Variants in RBM47 observed in about 807,000 individuals in gnomAD.
RBM47 encodes the protein RNA-binding protein 47.
In RBM47, 21 loss-of-function variants were observed where a neutral mutation model predicts 47.1. The ratio of observed to expected loss-of-function variants is 0.45; its 90% CI spans 0.32 to 0.64. The LOEUF (loss-of-function observed/expected upper bound fraction) is 0.64, where lower values mean the gene tolerates loss of function less well. RBM47 is among the 30% of genes least tolerant of loss of function. RBM47 has a pLI of 0.05. For synonymous variants in RBM47, 375 were observed against 361.7 expected (o/e 1.04, Z -0.42); for missense variants, 708 against 870.9 (o/e 0.81, Z 2.35).
intron 2 of RBM47, among the ~76,000 whole-genome samples, chr4:40,521,224 A>G (rs749149042): frequency 9.9e-5 from 15 of 151,888 alleles, no homozygotes; most frequent in Non-Finnish European, 1.9e-4. Context: ...GTTGTTTGAG[A>G]CAGAGTCTGC....
intron 3 of RBM47, among the ~76,000 whole-genome samples, chr4:40,465,875 T>C (rs1717937144): frequency 6.6e-6 from 1 of 152,076 alleles, no homozygotes; most frequent in Non-Finnish European, 1.5e-5. Flanking sequence ...GGTATGAGGA[T>C]TGATCAAAAA....
rs149861008 is a variant in RBM47, at chr4:40,495,084, G to C, written c.-154-28385C>G. ...AGCCTCCTGAGCAGCTGGGACTACA[G>C]GCACGCCCCACCATGCCCAGCCCTT... On this transcript the variant is annotated intron_variant, in intron 2 of 6. Coordinates refer to ENST00000295971, the MANE Select transcript of RBM47 (RefSeq NM_001098634.2). 2.7e-3 allele frequency among the ~76,000 whole-genome samples: 413 copies of C among 152,200 alleles called. 2 individuals carry two copies. Among genetic ancestry groups the C allele is most frequent in the African/African-American group, 9.5e-3 (396 of 41,550 alleles).
intron 2 of RBM47, among the ~76,000 whole-genome samples, chr4:40,500,606 A>G (rs1054165978): frequency 1.3e-5 from 2 of 151,898 alleles, no homozygotes; most frequent in African/African-American, 4.8e-5. Flanking sequence ...CCAAATATAT[A>G]TATATATAAA....
intron 2 of RBM47, among the ~76,000 whole-genome samples, chr4:40,469,581 G>A (rs2154235282): frequency 6.6e-6 from 1 of 151,774 alleles, no homozygotes; most frequent in African/African-American, 2.4e-5. Flanking sequence ...CTACAGGTGT[G>A]CGTCACCATG....
At chr4:40,602,188 GA>G (rs79758872) in intron 1 of RBM47, among the ~76,000 whole-genome samples, 1 of 142,742 alleles carries the variant, frequency 7.0e-6, no homozygotes, top group Non-Finnish European at 1.5e-5. Flanking sequence ...AAAAGAAAAA[GA>G]AAAAAAAAAG....
rs1176222941 is a variant in RBM47, at chr4:40,438,142, C to T, written c.752G>A (p.Arg251His). 1.9e-6 allele frequency: 3 copies of T among 1,612,638 alleles called. No homozygotes were observed. The highest frequency in any genetic ancestry group is 1.7e-5 in the Admixed American group (1 of 60,008). Residue 251 changes from arginine (R) to histidine (H), a missense_variant, in exon 4 of 7, where the codon CGC (arginine) becomes CAC (histidine). By Grantham distance (29) the Arg-to-His change is conservative (BLOSUM62 0). Transcript: ENST00000295971. ...VMETVKILYVRNLMIETTEDT... is the reference protein window; with the variant it reads ...VMETVKILYVHNLMIETTEDT... ...CTCGGTGGTCTCGATCATGAGGTTGCGCACGTAGAGGATCTTCACGGTCTC... is the reference window on the plus strand; with the variant it reads ...CTCGGTGGTCTCGATCATGAGGTTGTGCACGTAGAGGATCTTCACGGTCTC...
At chr4:40,542,718 T>C (rs1183818740) in intron 2 of RBM47, 1 of 152,128 alleles carries the variant, frequency 6.6e-6, no homozygotes, top group African/African-American at 2.4e-5. Flanking sequence ...TTTAAATTTT[T>C]GTAGAGACAG....
chr4:40,584,987 C>T (rs2154272491), intron 1 of RBM47, among the ~76,000 whole-genome samples: 1 of 152,322 alleles, frequency 6.6e-6, no homozygotes, highest in African/African-American at 2.4e-5. Flanking sequence ...ACCATATCTA[C>T]AGGTTCCACT....
intron 1 of RBM47, among the ~76,000 whole-genome samples, chr4:40,587,117 A>G (rs1733666972): frequency 6.6e-6 from 1 of 152,164 alleles, no homozygotes; most frequent in Admixed American, 6.6e-5. Flanking sequence ...CCTGGGGTGC[A>G]TGGAAAGGGC....
At chr4:40,610,564 C>T (rs1346571343) in intron 1 of RBM47, among the ~76,000 whole-genome samples, 4 of 145,938 alleles carry the variant, frequency 2.7e-5, no homozygotes, top group East Asian at 2.0e-4. Context: ...GAGCCGAGAT[C>T]GCGCCACTGC....
chr4:40,480,056 C>T (rs754365570), intron 2 of RBM47, among the ~76,000 whole-genome samples: 29 of 144,976 alleles, frequency 2.0e-4, no homozygotes, highest in Middle Eastern at 7.6e-3. Flanking sequence ...CAGCTCACTG[C>T]GACCTCCACC....
intron 1 of RBM47, among the ~76,000 whole-genome samples, chr4:40,547,034 T>C (rs892299734): frequency 7.2e-5 from 11 of 152,170 alleles, no homozygotes; most frequent in Non-Finnish European, 1.5e-4. Context: ...AGATCAGGTG[T>C]TTGAGCAGGT....
chr4:40,616,370 A>AAG (rs1287317655), intron 1 of RBM47, among the ~76,000 whole-genome samples: 2 of 116,662 alleles, frequency 1.7e-5, no homozygotes, highest in Non-Finnish European at 4.1e-5. Flanking sequence ...AAAAAAAAGA[A>AAG]AAAAAAAAAA....
Position 40,425,996 on chromosome 4 carries a change from C to G in RBM47, c.1690G>C (p.Ala564Pro). 2 of 1,613,954 alleles carry G rather than the reference C, an allele frequency of 1.2e-6. No homozygotes were observed. Among genetic ancestry groups the G allele is most frequent in the Non-Finnish European group, 1.7e-6 (2 of 1,179,832 alleles). Residue 564 changes from alanine (A) to proline (P), a missense_variant, in exon 7 of 7, where the codon GCC becomes CCC. By Grantham distance (27) the Ala-to-Pro change is conservative. Coordinates refer to ENST00000295971, the MANE Select transcript of RBM47 (RefSeq NM_001098634.2). ...TAGCCTGCGTATCCTCCATACATGG[C>G]GGCCGCGGCTGCCGCGTTCTTCTGT... ...TLQKNAAAAAAMYGGYAGYIP... is the reference protein window; with the variant it reads ...TLQKNAAAAAPMYGGYAGYIP...
chr4:40,583,414 AG>A (rs1304739932), intron 1 of RBM47, among the ~76,000 whole-genome samples: 2 of 145,468 alleles, frequency 1.4e-5, no homozygotes, highest in Admixed American at 1.4e-4. Flanking sequence ...AAAAAAAAAA[AG>A]GGAAACAGAA....
chr4:40,536,663 G>C (rs1644092674), intron 2 of RBM47, among the ~76,000 whole-genome samples: 1 of 151,858 alleles, frequency 6.6e-6, no homozygotes, highest in African/African-American at 2.4e-5. Flanking sequence ...TATTGGTTGA[G>C]TCATGGCTCA....
chr4:40,575,048 A>C (rs1453389283), intron 1 of RBM47, among the ~76,000 whole-genome samples: 1 of 152,176 alleles, frequency 6.6e-6, no homozygotes, highest in Non-Finnish European at 1.5e-5. Flanking sequence ...CAACGCATGA[A>C]GACATTTTTG....
chr4:40,481,778 C>G (rs1720464931), intron 2 of RBM47, among the ~76,000 whole-genome samples: 1 of 152,198 alleles, frequency 6.6e-6, no homozygotes, highest in African/African-American at 2.4e-5. Context: ...TCTTAAACTC[C>G]TGACCTCAAG....
chr4:40,588,992 C>CTT lies in RBM47; in HGVS notation c.-240+40402_-240+40403dup, dbSNP rs34195998. 5.0e-3 allele frequency among the ~76,000 whole-genome samples: 395 copies of CTT among 79,494 alleles called. 28 individuals carry two copies. Among genetic ancestry groups the CTT allele is most frequent in the Non-Finnish European group, 8.4e-3 (339 of 40,420 alleles). The allele number at this position is 79,494 out of a possible 152,430, so 52.2% of individuals were successfully genotyped here. On this transcript the variant is annotated intron_variant, in intron 1 of 6. Coordinates refer to ENST00000295971, the MANE Select transcript of RBM47 (RefSeq NM_001098634.2). The stretch of plus-strand genomic sequence containing the variant: ...TAGAGGAATAATAGCTAAAGCGTTT[C>CTT]TTTTTTTTTTTTTTTTTTTTTTTTT...
Sources: allele counts gnomAD v4.1 joint callset (sites outside exome capture counted in the v4.1 genomes callset), GRCh38; gene constraint gnomAD v4.1.1; transcripts MANE v1.5; gene names NCBI Gene and HGNC (gene_info 2026-07-23, HGNC 2026-07-21).